Variants in LRRTM4 observed in about 807,000 individuals in gnomAD.
LRRTM4 encodes the protein leucine-rich repeat transmembrane neuronal protein 4.
LRRTM4 carries 25 observed loss-of-function variants against 47.6 expected under a neutral mutation model. The observed-to-expected ratio is 0.53, with a 90% CI of 0.38 to 0.73. The LOEUF is 0.73. LRRTM4 is among the 30% of genes least tolerant of loss of function. LRRTM4 has a pLI of 0.00. For missense variants in LRRTM4, 638 were observed against 713.4 expected (o/e 0.89, Z 1.20); for synonymous variants, 311 against 269.5 (o/e 1.15, Z -1.51).
chr2:77,016,738 T>A (rs1246815827), intron 3 of LRRTM4, among the ~76,000 whole-genome samples: 1 of 152,156 alleles, frequency 6.6e-6, no homozygotes, highest in African/African-American at 2.4e-5. Context: ...CTCTAGTGAA[T>A]TACATATTAG....
chr2:77,266,473 G>T (rs1676053032), intron 3 of LRRTM4, among the ~76,000 whole-genome samples: 1 of 152,012 alleles, frequency 6.6e-6, no homozygotes, highest in African/African-American at 2.4e-5. Context: ...AAATAAAGAA[G>T]AAGAACAAAG....
chr2:77,089,870 A>AG (rs1680871684), intron 3 of LRRTM4, among the ~76,000 whole-genome samples: 4 of 152,180 alleles, frequency 2.6e-5, no homozygotes, highest in African/African-American at 9.7e-5. Context: ...AAACGGTCTG[A>AG]GGTGCCTGAT....
At chr2:77,442,501 A>T (rs1675883616) in intron 3 of LRRTM4, among the ~76,000 whole-genome samples, 1 of 152,186 alleles carries the variant, frequency 6.6e-6, no homozygotes, top group African/African-American at 2.4e-5. Flanking sequence ...CCACCTACAA[A>T]TTGGCATGGT....
intron 3 of LRRTM4, among the ~76,000 whole-genome samples, chr2:77,371,373 T>C (rs1165235194): frequency 6.6e-6 from 1 of 151,810 alleles, no homozygotes; most frequent in Non-Finnish European, 1.5e-5. Flanking sequence ...TTCTGTTATC[T>C]GTCTTTTGTC....
chr2:76,923,690 C>G (rs909810014), intron 3 of LRRTM4, among the ~76,000 whole-genome samples: 10 of 152,076 alleles, frequency 6.6e-5, no homozygotes, highest in African/African-American at 9.7e-5. Flanking sequence ...TTCCTTTAGT[C>G]AATCCCACTG....
intron 3 of LRRTM4, among the ~76,000 whole-genome samples, chr2:76,891,991 C>T (rs1004132514): frequency 7.4e-5 from 11 of 149,508 alleles, no homozygotes; most frequent in African/African-American, 2.5e-4. Context: ...ATGAGATTAG[C>T]AAATTAAAAA....
chr2:77,042,120 G>A (rs536109546), intron 3 of LRRTM4, among the ~76,000 whole-genome samples: 1 of 151,410 alleles, frequency 6.6e-6, no homozygotes, highest in African/African-American at 2.4e-5. Flanking sequence ...TAAGGCCTAT[G>A]GTTTTAGATA....
intron 3 of LRRTM4, among the ~76,000 whole-genome samples, chr2:77,467,427 C>G (rs145408606): frequency 2.0e-5 from 3 of 152,114 alleles, no homozygotes. Flanking sequence ...TCAGGGATGA[C>G]TAAAGACATC....
At chr2:76,913,400 T>G (rs1015818109) in intron 3 of LRRTM4, among the ~76,000 whole-genome samples, 1 of 152,118 alleles carries the variant, frequency 6.6e-6, no homozygotes, top group Non-Finnish European at 1.5e-5. Flanking sequence ...TGTTCATTTA[T>G]TTAACTAAAT....
chr2:77,448,911 T>C (rs1676153390), intron 3 of LRRTM4, among the ~76,000 whole-genome samples: 1 of 152,200 alleles, frequency 6.6e-6, no homozygotes, highest in Admixed American at 6.5e-5. Flanking sequence ...AGTGGCCAGT[T>C]TAAACCATTT....
chr2:76,833,220 G>T (rs914360783), intron 3 of LRRTM4, among the ~76,000 whole-genome samples: 3 of 152,106 alleles, frequency 2.0e-5, no homozygotes, highest in Non-Finnish European at 4.4e-5. Context: ...TGATCATAAA[G>T]GGTGAAGAGT....
intron 3 of LRRTM4, among the ~76,000 whole-genome samples, chr2:77,228,973 CAA>C (rs1045499177): frequency 1.3e-5 from 2 of 152,014 alleles, no homozygotes; most frequent in African/African-American, 4.8e-5. Context: ...ATGAAAATCA[CAA>C]ACTATCCAGA....
At chr2:76,795,058 GC>G (rs1675199715) in intron 3 of LRRTM4, among the ~76,000 whole-genome samples, 2 of 151,838 alleles carry the variant, frequency 1.3e-5, no homozygotes, top group South Asian at 4.2e-4. Flanking sequence ...CAGATAGTAA[GC>G]TAAAGTAAAA....
At position 77,514,262 on chromosome 2, in the gene LRRTM4, G is replaced by C. The variant is rs187126445; in HGVS notation, c.1551+4056C>G. On this transcript the variant is annotated intron_variant, in intron 3 of 3. Coordinates refer to ENST00000409884, the MANE Select transcript of LRRTM4 (RefSeq NM_001134745.3). ...AATTAAACTCAAGGTAACTGGGTCT[G>C]CTTTCCTTAGAGTCCTCTTTATATA... Among the ~76,000 whole-genome samples, 389 of 152,138 alleles carry C rather than the reference G, an allele frequency of 2.6e-3. 3 individuals carry two copies. The highest frequency in any genetic ancestry group is 9.1e-3 in the African/African-American group (379 of 41,560).
intron 3 of LRRTM4, among the ~76,000 whole-genome samples, chr2:77,174,713 G>A (rs989178852): frequency 2.4e-4 from 36 of 151,970 alleles, no homozygotes; most frequent in Non-Finnish European, 2.6e-4. Flanking sequence ...TGTTACATAT[G>A]TATACATGTG....
chr2:77,162,888 T>C (rs970731756), intron 3 of LRRTM4, among the ~76,000 whole-genome samples: 1 of 152,148 alleles, frequency 6.6e-6, no homozygotes, highest in African/African-American at 2.4e-5. Flanking sequence ...GCAGAAAAGC[T>C]GAAAATTTTA....
In LRRTM4 at chr2:76,853,642, AT is replaced by A. The variant is rs573960855; in HGVS notation, c.1552-104727del. Among the ~76,000 whole-genome samples the A allele has an allele frequency of 2.9e-3, 436 of 152,280 alleles. 1 individual carries two copies. Among genetic ancestry groups the A allele is most frequent in the South Asian group, 7.5e-3 (36 of 4,824 alleles). The stretch of plus-strand genomic sequence containing the variant: ...GGCAAATCTGTGGATAGAAAAAAAA[AT>A]GTACCAATTTCAAAGAAGAAAGATC... On this transcript the variant is annotated intron_variant, in intron 3 of 3. Transcript: ENST00000409884.
At chr2:77,471,712 T>C (rs937835127) in intron 3 of LRRTM4, among the ~76,000 whole-genome samples, 12 of 152,198 alleles carry the variant, frequency 7.9e-5, no homozygotes, top group Admixed American at 3.9e-4. Flanking sequence ...TCTGTTCAAA[T>C]GCTAGCTTAT....
chr2:76,885,669 G>T (rs1032897204), intron 3 of LRRTM4, among the ~76,000 whole-genome samples: 1 of 151,962 alleles, frequency 6.6e-6, no homozygotes, highest in African/African-American at 2.4e-5. Context: ...GTTTCACCGT[G>T]TTAGCAAAGA....
Sources: gnomAD v4.1 joint callset for allele counts (sites outside exome capture counted in the v4.1 genomes callset) on GRCh38, gnomAD v4.1.1 for gene constraint, MANE v1.5 for transcripts, NCBI Gene and HGNC (gene_info 2026-07-23, HGNC 2026-07-21) for gene names.